TMEM232: variants seen among roughly 807,000 people sequenced by gnomAD.
The protein encoded by TMEM232 is transmembrane protein 232.
Under a neutral mutation model 78.8 loss-of-function variants are expected in TMEM232, and 80 were observed. That is an observed-to-expected ratio of 1.01 (90% CI 0.85 to 1.22). The LOEUF (loss-of-function observed/expected upper bound fraction) is 1.22. Among genes scored for constraint, TMEM232 ranks in the 50% most tolerant of loss-of-function variants. The pLI is 0.00. For missense variants in TMEM232, 881 were observed against 742.2 expected, an observed-to-expected ratio of 1.19 and a Z score of -2.17; for synonymous variants, 297 against 254.3, an observed-to-expected ratio of 1.17 and a Z score of -1.60.
chr5:110,416,185 A>G (rs753009903), downstream of TMEM232, among the ~76,000 whole-genome samples: 1 of 152,216 alleles, frequency 6.6e-6, no homozygotes, highest in Non-Finnish European at 1.5e-5. Context: ...AAATTTAATA[A>G]CTAGAATCAG....
At chr5:110,509,955 A>T (rs980784030) in intron 12 of TMEM232, among the ~76,000 whole-genome samples, 3 of 152,146 alleles carry the variant, frequency 2.0e-5, no homozygotes, top group Non-Finnish European at 4.4e-5. Context: ...TTAAGTTTTT[A>T]TAAATCCTCT....
chr5:110,678,672 A>G (rs1792333819), intron 1 of TMEM232, among the ~76,000 whole-genome samples: 1 of 151,862 alleles, frequency 6.6e-6, no homozygotes. Context: ...TGCTCTGTCT[A>G]TTCATCAGCC....
chr5:110,424,235 C>A (rs1757003492), intron 13 of TMEM232, among the ~76,000 whole-genome samples: 1 of 151,942 alleles, frequency 6.6e-6, no homozygotes, highest in Non-Finnish European at 1.5e-5. Flanking sequence ...ATTATATATG[C>A]TATATATTTT....
chr5:110,628,330 T>A (rs72771464), intron 5 of TMEM232, among the ~76,000 whole-genome samples: 6,546 of 152,196 alleles, frequency 0.043, 204 homozygotes, highest in Non-Finnish European at 0.063. Context: ...TTTCTAAGCA[T>A]CTCTGTCAAA....
At chr5:110,418,497 A>C (rs1447608211), downstream of TMEM232, among the ~76,000 whole-genome samples, 3 of 152,108 alleles carry the variant, frequency 2.0e-5, no homozygotes, top group Non-Finnish European at 4.4e-5. Context: ...TTTAAGAATA[A>C]AGGTGTCAGT....
chr5:110,490,165 GAAAGAAAGAAAGAAAGA>G (rs1395943440), intron 12 of TMEM232, among the ~76,000 whole-genome samples: 1 of 131,786 alleles, frequency 7.6e-6, no homozygotes, highest in African/African-American at 3.6e-5. Context: ...AAGAAAGAAA[GAAAGAAAGAAAGAAAGA>G]AAGAAAGAAA....
At chr5:110,591,184 G>A (rs764461116) in intron 10 of TMEM232, among the ~76,000 whole-genome samples, 11 of 152,250 alleles carry the variant, frequency 7.2e-5, no homozygotes, top group Admixed American at 5.9e-4. Flanking sequence ...GAGGCCAAGC[G>A]TGGTGTCTCA....
At chr5:110,404,158 T>G (rs1287945594) in intron 2 of TMEM232, among the ~76,000 whole-genome samples, 1 of 152,096 alleles carries the variant, frequency 6.6e-6, no homozygotes, top group African/African-American at 2.4e-5. Context: ...AAATTTAATT[T>G]TGACATTGAA....
In TMEM232 at chr5:110,723,573, T is replaced by A. The variant is rs558314986; in HGVS notation, c.-13+3054A>T. 7.4e-4 allele frequency among the ~76,000 whole-genome samples: 112 copies of A among 152,304 alleles called. 1 individual carries two copies. The South Asian group carries it at 0.013, about 18-fold the overall frequency. ...CAAAATCTGTATAGACTGTTAGCTA[T>A]TAGCAAAGCATTACTTCTGTTTACA... is the stretch of plus-strand genomic sequence containing the variant. On this transcript the variant is annotated intron_variant, in intron 1 of 13. Transcript: ENST00000455884.
intron 10 of TMEM232, among the ~76,000 whole-genome samples, chr5:110,590,244 A>G (rs562387590): frequency 6.6e-6 from 1 of 152,244 alleles, no homozygotes; most frequent in African/African-American, 2.4e-5. Context: ...AGAGTGGAAA[A>G]TGGACATGTT....
chr5:110,596,440 G>C (rs1242588151), intron 10 of TMEM232, among the ~76,000 whole-genome samples: 4 of 152,172 alleles, frequency 2.6e-5, no homozygotes, highest in African/African-American at 9.7e-5. Flanking sequence ...GAGGTACAAA[G>C]AGGAACTGGT....
chr5:110,639,518 A>G (rs1395010286), intron 4 of TMEM232, among the ~76,000 whole-genome samples: 1 of 152,160 alleles, frequency 6.6e-6, no homozygotes, highest in African/African-American at 2.4e-5. Flanking sequence ...CATGTGCATG[A>G]GGACTGTGAT....
At chr5:110,669,258 G>A in intron 1 of TMEM232, among the ~76,000 whole-genome samples, 1 of 152,066 alleles carries the variant, frequency 6.6e-6, no homozygotes, top group East Asian at 1.9e-4. Flanking sequence ...AGAAAAGAGA[G>A]AAGAATCAAA....
intron 12 of TMEM232, among the ~76,000 whole-genome samples, chr5:110,507,539 G>A (rs1371581614): frequency 1.3e-5 from 2 of 152,164 alleles, no homozygotes; most frequent in African/African-American, 4.8e-5. Context: ...TATGAACACA[G>A]AATTGGTGAC....
intron 1 of TMEM232, among the ~76,000 whole-genome samples, chr5:110,712,675 A>G (rs895165345): frequency 5.3e-5 from 8 of 152,154 alleles, no homozygotes; most frequent in African/African-American, 1.9e-4. Flanking sequence ...CAGAATATAT[A>G]AATATTGTGT....
At chr5:110,737,145 T>C (rs1011262477) in intron 1 of TMEM232, among the ~76,000 whole-genome samples, 7 of 152,184 alleles carry the variant, frequency 4.6e-5, no homozygotes, top group African/African-American at 1.7e-4. Flanking sequence ...GTTCTAACAA[T>C]GCAAGCACCT....
chr5:110,725,709 C>T (rs1307084339), intron 1 of TMEM232: 1 of 152,212 alleles, frequency 6.6e-6, no homozygotes, highest in Non-Finnish European at 1.5e-5. Flanking sequence ...AGTTCATCTG[C>T]AACCTGGCAC....
intron 11 of TMEM232, among the ~76,000 whole-genome samples, chr5:110,548,635 T>G (rs534929903): frequency 2.8e-4 from 43 of 151,822 alleles, no homozygotes; most frequent in Non-Finnish European, 2.9e-5. Flanking sequence ...ATCTATAGAA[T>G]AGTAAATAAC....
chr5:110,566,254 T>G (rs1776323948), intron 11 of TMEM232, among the ~76,000 whole-genome samples: 1 of 151,924 alleles, frequency 6.6e-6, no homozygotes, highest in South Asian at 2.1e-4. Context: ...TTCCCAGAGC[T>G]CCTAGGCCTC....
Sources: allele counts gnomAD v4.1 joint callset (sites outside exome capture counted in the v4.1 genomes callset), GRCh38; gene constraint gnomAD v4.1.1; transcripts MANE v1.5; gene names NCBI Gene and HGNC (gene_info 2026-07-23, HGNC 2026-07-21).